Variants in PCDH11X observed in about 807,000 individuals in gnomAD.
The protein encoded by PCDH11X is protocadherin-11 X-linked.
PCDH11X carries 18 observed loss-of-function variants against 53.3 expected under a neutral mutation model. The ratio of observed to expected loss-of-function variants is 0.34; its 90% CI spans 0.23 to 0.50. The LOEUF is 0.50. Among genes scored for constraint, PCDH11X ranks in the 20% least tolerant of loss-of-function variants. The pLI, the probability that PCDH11X is intolerant of heterozygous loss-of-function variation, is 0.98. For missense variants in PCDH11X, 570 were observed against 1,032.4 expected (o/e 0.55, Z 6.14); for synonymous variants, 279 against 393.3 (o/e 0.71, Z 3.44).
intron 9 of PCDH11X, among the ~76,000 whole-genome samples, chrX:92,406,250 A>G (rs760143188): frequency 4.5e-5 from 5 of 110,317 alleles, no homozygotes; most frequent in South Asian, 3.9e-4. Context: ...TTTTTCACTT[A>G]AAGTATGTCT....
chrX:92,272,677 C>A (rs1161012996), intron 8 of PCDH11X, among the ~76,000 whole-genome samples: 1 of 112,047 alleles, frequency 8.9e-6, no homozygotes, highest in African/African-American at 3.2e-5. Context: ...GTCTAACAAA[C>A]CACTTGAAAC....
At chrX:92,174,099 A>G (rs540524469) in intron 6 of PCDH11X, among the ~76,000 whole-genome samples, 163 of 108,227 alleles carry the variant, frequency 1.5e-3, no homozygotes, top group South Asian at 8.6e-3. Context: ...AAGCAGACCT[A>G]TTATGGAGAG....
intron 10 of PCDH11X, among the ~76,000 whole-genome samples, chrX:92,553,582 A>C (rs1233007786): frequency 9.2e-6 from 1 of 108,770 alleles, no homozygotes; most frequent in Non-Finnish European, 1.9e-5. Context: ...TTTCTATTCT[A>C]ATCTTTTTTT....
At chrX:92,115,897 AC>A (rs2064628838) in intron 6 of PCDH11X, among the ~76,000 whole-genome samples, 2 of 107,675 alleles carry the variant, frequency 1.9e-5, no homozygotes, top group Non-Finnish European at 3.8e-5. Flanking sequence ...ACCCTCACAG[AC>A]ACACCCAGAA....
intron 8 of PCDH11X, among the ~76,000 whole-genome samples, chrX:92,352,014 A>G (rs2070063486): frequency 8.9e-6 from 1 of 112,040 alleles, no homozygotes; most frequent in East Asian, 2.8e-4. Context: ...CCATACCATC[A>G]ATTGGAGAAT....
At chrX:92,250,814 T>C (rs1329971453) in intron 7 of PCDH11X, among the ~76,000 whole-genome samples, 2 of 108,896 alleles carry the variant, frequency 1.8e-5, no homozygotes, top group African/African-American at 6.6e-5. Context: ...GAGATGGAAA[T>C]AGTAAATGTT....
intron 7 of PCDH11X, among the ~76,000 whole-genome samples, chrX:92,249,129 T>C (rs758559490): frequency 1.4e-4 from 16 of 111,067 alleles, no homozygotes; most frequent in Non-Finnish European, 3.0e-4. Context: ...ATATAGTTTG[T>C]CATACTATTA....
At chrX:92,405,169 C>A (rs2071479597) in intron 9 of PCDH11X, among the ~76,000 whole-genome samples, 1 of 80,716 alleles carries the variant, frequency 1.2e-5, no homozygotes, top group African/African-American at 5.1e-5. Flanking sequence ...ATTTTGAGGG[C>A]CAAATGACAT....
chrX:92,588,713 G>T (rs1202812632), intron 10 of PCDH11X, among the ~76,000 whole-genome samples: 1 of 109,452 alleles, frequency 9.1e-6, no homozygotes, highest in Non-Finnish European at 1.9e-5. Context: ...TTAAAGAAGA[G>T]GTAGAGAAAA....
At chrX:92,214,985 C>T (rs1414819899) in intron 7 of PCDH11X, among the ~76,000 whole-genome samples, 1 of 111,675 alleles carries the variant, frequency 9.0e-6, no homozygotes, top group Non-Finnish European at 1.9e-5. Flanking sequence ...GAATTTGAGG[C>T]TGCAGTAAGT....
At chrX:92,449,019 T>A (rs2072720767) in intron 9 of PCDH11X, among the ~76,000 whole-genome samples, 1 of 112,138 alleles carries the variant, frequency 8.9e-6, no homozygotes, top group African/African-American at 3.2e-5. Context: ...AGGACTTTTC[T>A]AAAGTCCTCT....
At chrX:92,457,534 A>T (rs1222054272) in intron 9 of PCDH11X, among the ~76,000 whole-genome samples, 1 of 109,880 alleles carries the variant, frequency 9.1e-6, no homozygotes, top group African/African-American at 3.3e-5. Context: ...ATATTTATAA[A>T]GAGAATTATC....
intron 9 of PCDH11X, among the ~76,000 whole-genome samples, chrX:92,457,508 G>A (rs1308087991): frequency 5.5e-5 from 6 of 109,259 alleles, no homozygotes; most frequent in African/African-American, 1.7e-4. Context: ...AATATCACAT[G>A]TGAGATTATG....
intron 6 of PCDH11X, among the ~76,000 whole-genome samples, chrX:92,095,463 G>A (rs1450616839): frequency 1.8e-5 from 2 of 110,490 alleles, no homozygotes; most frequent in South Asian, 3.8e-4. Flanking sequence ...TTCATTCTGG[G>A]GCTAGTATGG....
At chrX:92,165,444 A>T (rs1487690738) in intron 6 of PCDH11X, among the ~76,000 whole-genome samples, 4 of 111,998 alleles carry the variant, frequency 3.6e-5, no homozygotes, top group Admixed American at 9.5e-5. Context: ...TTGTCTGTAC[A>T]GGGTATTTGT....
At chrX:91,996,042 C>T (rs1308485616) in intron 6 of PCDH11X, among the ~76,000 whole-genome samples, 4 of 106,232 alleles carry the variant, frequency 3.8e-5, no homozygotes, top group African/African-American at 1.0e-4. Flanking sequence ...GGGGTTTCAC[C>T]ATGTTAGCCA....
intron 6 of PCDH11X, among the ~76,000 whole-genome samples, chrX:92,116,205 T>G (rs1309604606): frequency 1.8e-5 from 2 of 112,560 alleles, no homozygotes; most frequent in East Asian, 5.6e-4. Context: ...TGACCAGAAC[T>G]GGGGTTAATC....
chrX:92,515,273 A>G (rs750103695), intron 10 of PCDH11X: 2 of 100,957 alleles, frequency 2.0e-5, no homozygotes, highest in Non-Finnish European at 4.2e-5. Flanking sequence ...ACCCTAAGTT[A>G]ATAAGTCTAG....
intron 8 of PCDH11X, among the ~76,000 whole-genome samples, chrX:92,373,066 C>T (rs990363801): frequency 1.8e-5 from 2 of 108,411 alleles, no homozygotes; most frequent in African/African-American, 6.7e-5. Context: ...CAAACTTTTG[C>T]CCTTACTCTT....
Sources: allele counts gnomAD v4.1 joint callset (sites outside exome capture counted in the v4.1 genomes callset), GRCh38; gene constraint gnomAD v4.1.1; transcripts MANE v1.5; gene names NCBI Gene and HGNC (gene_info 2026-07-23, HGNC 2026-07-21).